Variants in RHOBTB1 observed in about 807,000 individuals in gnomAD.
RHOBTB1 encodes the protein Rho related BTB domain containing 1.
Under a neutral mutation model 71.6 loss-of-function variants are expected in RHOBTB1, and 40 were observed. That is an observed-to-expected ratio of 0.56 (90% CI 0.43 to 0.73). The LOEUF (loss-of-function observed/expected upper bound fraction) is 0.73, where lower values mean the gene tolerates loss of function less well. Ranked by LOEUF, RHOBTB1 falls within the 30% of genes least tolerant of loss-of-function variation. The pLI is 0.00. For synonymous variants in RHOBTB1, 319 were observed against 334.9 expected, an observed-to-expected ratio of 0.95 and a Z score of 0.52; for missense variants, 797 against 894.0, an observed-to-expected ratio of 0.89 and a Z score of 1.38.
chr10:60,936,652 A>G (rs375441324), intron 2 of RHOBTB1, among the ~76,000 whole-genome samples: 2 of 152,238 alleles, frequency 1.3e-5, no homozygotes, highest in Middle Eastern at 3.2e-3. Context: ...GGTCCACAGA[A>G]CAGCAGCACT....
At chr10:60,969,950 A>G (rs991059012) in intron 2 of RHOBTB1, among the ~76,000 whole-genome samples, 17 of 152,080 alleles carry the variant, frequency 1.1e-4, no homozygotes, top group Admixed American at 1.3e-4. Flanking sequence ...ACATCAACCC[A>G]TTTCAGTTCT....
downstream of RHOBTB1, among the ~76,000 whole-genome samples, chr10:60,868,887 T>C (rs1479723754): frequency 2.0e-5 from 3 of 152,232 alleles, no homozygotes; most frequent in Non-Finnish European, 4.4e-5. Flanking sequence ...AGCTATTTCT[T>C]ACAGTGGTCA....
At chr10:60,885,424 T>C (rs7089016) in intron 7 of RHOBTB1, among the ~76,000 whole-genome samples, 49,990 of 152,096 alleles carry the variant, frequency 0.33, 8,973 homozygotes, top group East Asian at 0.58. Flanking sequence ...ACAAGTGATG[T>C]AGCTGCTTCC....
At chr10:60,864,557 GCAA>G (rs2080628999), downstream of RHOBTB1, among the ~76,000 whole-genome samples, 1 of 152,086 alleles carries the variant, frequency 6.6e-6, no homozygotes, top group African/African-American at 2.4e-5. Flanking sequence ...AAGAGCAAAA[GCAA>G]CCAGCGGAAT....
At chr10:60,982,969 T>A (rs371986397) in intron 2 of RHOBTB1, among the ~76,000 whole-genome samples, 41 of 152,276 alleles carry the variant, frequency 2.7e-4, no homozygotes, top group Admixed American at 1.6e-3. Flanking sequence ...AGAACTTTTA[T>A]TGTTCCATGG....
intron 2 of RHOBTB1, among the ~76,000 whole-genome samples, chr10:60,965,240 A>G (rs928653467): frequency 6.6e-6 from 1 of 152,106 alleles, no homozygotes; most frequent in African/African-American, 2.4e-5. Context: ...TGAAATGCTT[A>G]GGTTTTATAT....
chr10:60,898,786 C>A lies in RHOBTB1; in HGVS notation c.297-5791G>T, dbSNP rs576134371. Among the ~76,000 whole-genome samples the A allele has an allele frequency of 2.6e-5, 4 of 152,212 alleles. No individual in the cohort carries two copies. The East Asian group carries it at 7.7e-4, about 29-fold the overall frequency. ...GCTTGTGCAACTATTTTTTTCCAAG[C>A]CCGTATCTGCATGTTTAGTAGGAAG... On this transcript the variant is annotated intron_variant, in intron 4 of 10. Transcript: ENST00000337910.
intron 2 of RHOBTB1, among the ~76,000 whole-genome samples, chr10:60,919,332 G>A (rs557590114): frequency 1.9e-5 from 2 of 104,052 alleles, no homozygotes; most frequent in Non-Finnish European, 4.1e-5. Flanking sequence ...ATTATTGACA[G>A]GAAAAAAGGA....
At chr10:60,865,051 T>C (rs1241778569), downstream of RHOBTB1, among the ~76,000 whole-genome samples, 2 of 152,258 alleles carry the variant, frequency 1.3e-5, no homozygotes, top group East Asian at 1.9e-4. Context: ...TTGGTGACAG[T>C]TGCAAAGGGG....
intron 4 of RHOBTB1, among the ~76,000 whole-genome samples, chr10:60,905,409 C>T (rs1263289513): frequency 7.4e-6 from 1 of 134,314 alleles, no homozygotes; most frequent in Non-Finnish European, 1.5e-5. Context: ...AAGATCGCGC[C>T]ACTGCACACC....
At chr10:60,901,358 A>C (rs1223877566) in intron 4 of RHOBTB1, among the ~76,000 whole-genome samples, 4 of 152,236 alleles carry the variant, frequency 2.6e-5, no homozygotes. Flanking sequence ...ATATCAGTGA[A>C]AGTGTTCTGT....
rs780300571 is a variant in RHOBTB1 at position 60,875,087 on chromosome 10, C to A, written c.1727-45G>T. The stretch of plus-strand genomic sequence containing the variant: ...CAGGAGAACATTAAACCACGCCCTG[C>A]GAGCCAGGTAGCTTGCCTGGAGGGT... On this transcript the variant is annotated intron_variant, in intron 8 of 10. Transcript: ENST00000337910. 4.1e-6 allele frequency: 6 copies of A among 1,453,944 alleles called. No homozygotes were observed. The East Asian group carries it at 6.8e-5, about 17-fold the overall frequency. The allele number at this position is 1,453,944 out of a possible 1,614,324, so 90.1% of individuals were successfully genotyped here.
chr10:60,877,862 T>G (rs993011176), intron 8 of RHOBTB1, 46 bp downstream of exon 8: 1 of 1,553,300 alleles, frequency 6.4e-7, no homozygotes, highest in Non-Finnish European at 8.7e-7. Context: ...AATGTGATTT[T>G]GACAAATATG....
At chr10:60,899,036 A>T (rs2082286082) in intron 4 of RHOBTB1, among the ~76,000 whole-genome samples, 1 of 152,226 alleles carries the variant, frequency 6.6e-6, no homozygotes, top group African/African-American at 2.4e-5. Flanking sequence ...CATAGGGGTT[A>T]ATGGCCTTGC....
At chr10:60,987,919 CTTTTTTTTTTTTTT>C (rs71018937) in intron 1 of RHOBTB1, among the ~76,000 whole-genome samples, 29 of 53,740 alleles carry the variant, frequency 5.4e-4, no homozygotes, top group Middle Eastern at 0.018. Context: ...AAATACTCAA[CTTTTTTTTTTTTTT>C]TTTTTTTTTT....
chr10:60,874,728 T>G (rs2080959927), intron 9 of RHOBTB1, among the ~76,000 whole-genome samples: 1 of 152,080 alleles, frequency 6.6e-6, no homozygotes, highest in South Asian at 2.1e-4. Context: ...TAGGGGACAA[T>G]GGGACTGGCA....
In RHOBTB1 at chr10:60,888,261, T is replaced by C. The variant is rs766606811; in HGVS notation, c.1407A>G (p.Val469=). 3 of 1,614,100 alleles carry C rather than the reference T, an allele frequency of 1.9e-6. No individual in the cohort carries two copies. Among genetic ancestry groups the C allele is most frequent in the African/African-American group, 1.3e-5 (1 of 75,050 alleles). ...ACTCTTTTATCCGATTGGCTTTCCT[T>C]ACGTGAAAGGCTTTCGTAATCTCCT... The part of the protein sequence containing the change: ...MNQEITKAFH[V]RKANRIKECL... Residue 469 remains valine (V), a synonymous_variant, in exon 6 of 11, where the codon GTA becomes GTG. Transcript: ENST00000337910.
At chr10:60,964,985 T>A (rs1242941471) in intron 2 of RHOBTB1, among the ~76,000 whole-genome samples, 1 of 152,112 alleles carries the variant, frequency 6.6e-6, no homozygotes, top group East Asian at 1.9e-4. Context: ...AAACAAAGTC[T>A]CTGGAAATAA....
intron 1 of RHOBTB1, among the ~76,000 whole-genome samples, chr10:60,999,852 G>A (rs369601126): frequency 2.6e-4 from 40 of 152,320 alleles, no homozygotes; most frequent in Admixed American, 1.6e-3. Context: ...CAACCGTAAG[G>A]TAAATGCCAT....
Sources: allele counts gnomAD v4.1 joint callset (sites outside exome capture counted in the v4.1 genomes callset), GRCh38; gene constraint gnomAD v4.1.1; transcripts MANE v1.5; gene names NCBI Gene and HGNC (gene_info 2026-07-23, HGNC 2026-07-21).